OPRM1: variants seen among roughly 807,000 people sequenced by gnomAD.
OPRM1 encodes opioid receptor mu 1.
Under a neutral mutation model 31.8 loss-of-function variants are expected in OPRM1, and 27 were observed. That is an observed-to-expected ratio of 0.85 (90% CI 0.63 to 1.17). The LOEUF (loss-of-function observed/expected upper bound fraction) is 1.17. OPRM1 is among the 50% of genes most tolerant of loss of function. OPRM1 has a pLI of 0.00. For synonymous variants in OPRM1, 196 were observed against 189.9 expected, an observed-to-expected ratio of 1.03 and a Z score of -0.26; for missense variants, 536 against 511.1, an observed-to-expected ratio of 1.05 and a Z score of -0.47.
exon 4 of OPRM1, chr6:154,246,865 ACC>A: frequency 3.2e-6 from 4 of 1,254,912 alleles, no homozygotes; most frequent in Non-Finnish European, 4.1e-6. Flanking sequence ...TTAATTGTTA[ACC>A]CCCCGGGGAG....
intron 3 of OPRM1, among the ~76,000 whole-genome samples, chr6:154,150,221 C>G (rs1798463219): frequency 6.6e-6 from 1 of 152,166 alleles, no homozygotes; most frequent in Admixed American, 6.5e-5. Context: ...GGGCTCTTGC[C>G]CAGCATGAAT....
chr6:154,205,737 A>T (rs1341390195), intron 3 of OPRM1, among the ~76,000 whole-genome samples: 1 of 152,178 alleles, frequency 6.6e-6, no homozygotes, highest in African/African-American at 2.4e-5. Context: ...CAATGAATAA[A>T]CTGCAATTAG....
At chr6:154,025,111 G>A (rs76794071) in intron 1 of OPRM1, among the ~76,000 whole-genome samples, 3,519 of 152,082 alleles carry the variant, frequency 0.023, 156 homozygotes, top group African/African-American at 0.081. Context: ...AATGTTGAAA[G>A]TTGGCTTTTG....
At chr6:154,043,381 A>G (rs1466403839) in intron 1 of OPRM1, among the ~76,000 whole-genome samples, 2 of 152,142 alleles carry the variant, frequency 1.3e-5, no homozygotes, top group Non-Finnish European at 2.9e-5. Context: ...CTTGTTCTAT[A>G]TACTAAATAT....
At chr6:154,113,203 A>G (rs1160261600) in intron 3 of OPRM1, among the ~76,000 whole-genome samples, 1 of 152,208 alleles carries the variant, frequency 6.6e-6, no homozygotes, top group East Asian at 1.9e-4. Flanking sequence ...TAGGGTAGCT[A>G]AACTTAAGAA....
intron 3 of OPRM1, among the ~76,000 whole-genome samples, chr6:154,146,260 C>T (rs1193684438): frequency 1.3e-5 from 2 of 152,136 alleles, no homozygotes; most frequent in African/African-American, 2.4e-5. Context: ...ATCAGCTGAG[C>T]GCGGTGGCGG....
chr6:154,049,055 A>C (rs1407228028), intron 1 of OPRM1, among the ~76,000 whole-genome samples: 2 of 152,122 alleles, frequency 1.3e-5, no homozygotes, highest in African/African-American at 4.8e-5. Flanking sequence ...TGCATTCGTA[A>C]CCTTGTTTTA....
At chr6:154,033,551 A>G (rs1010996806) in intron 1 of OPRM1, among the ~76,000 whole-genome samples, 3 of 152,228 alleles carry the variant, frequency 2.0e-5, no homozygotes, top group African/African-American at 4.8e-5. Flanking sequence ...GAGAGAAAGA[A>G]TCAAGTGAAA....
intron 1 of OPRM1, among the ~76,000 whole-genome samples, chr6:154,021,862 C>T (rs138463935): frequency 0.027 from 4,064 of 151,620 alleles, 168 homozygotes; most frequent in African/African-American, 0.094. Context: ...TTTTGGTCAA[C>T]TCTTTCAGAT....
chr6:154,072,488 A>G (rs1048439261), intron 1 of OPRM1, among the ~76,000 whole-genome samples: 1 of 152,262 alleles, frequency 6.6e-6, no homozygotes, highest in African/African-American at 2.4e-5. Context: ...AAAACTAAGT[A>G]CTTGCTTAAA....
chr6:154,128,467 G>T lies in OPRM1; in HGVS notation c.*9746G>T, dbSNP rs1797710707. Among the ~76,000 whole-genome samples the T allele has an allele frequency of 6.6e-6, 1 of 152,198 alleles. No individual in the cohort carries two copies. Among genetic ancestry groups the T allele is most frequent in the Non-Finnish European group, 1.5e-5 (1 of 68,038 alleles). ...ATAGCAAAATTCCAGTGAAGTCTAA[G>T]AACTGGGACAGTCCGTTGAGGATCC... On this transcript the variant is annotated 3_prime_UTR_variant, in exon 4 of 4. Coordinates refer to ENST00000330432, the MANE Select transcript of OPRM1 (RefSeq NM_000914.5).
chr6:154,108,020 AAAG>A, intron 3 of OPRM1: 1 of 656,312 alleles, frequency 1.5e-6, no homozygotes, highest in South Asian at 1.8e-5. Context: ...GCACAGAGAG[AAAG>A]AAGACAGAAA....
Position 154,127,347 on chromosome 6 carries a change from A to G in OPRM1, c.*8626A>G, listed in dbSNP as rs938627982. Among the ~76,000 whole-genome samples, 1 of 152,240 alleles carries G rather than the reference A, an allele frequency of 6.6e-6. No homozygotes were observed. The highest frequency in any genetic ancestry group is 1.5e-5 in the Non-Finnish European group (1 of 68,038). On this transcript the variant is annotated 3_prime_UTR_variant, in exon 4 of 4. Transcript: ENST00000330432. Reference sequence around the variant, plus strand: ...TAAAGTGAATTTGAATAAAATGACCAGTTAGGTGTTTTCAGAAACACCTAT... The same window carrying G: ...TAAAGTGAATTTGAATAAAATGACCGGTTAGGTGTTTTCAGAAACACCTAT...
intron 3 of OPRM1, among the ~76,000 whole-genome samples, chr6:154,220,883 C>T (rs1383603426): frequency 6.6e-6 from 1 of 152,214 alleles, no homozygotes; most frequent in Non-Finnish European, 1.5e-5. Flanking sequence ...AATCACACAG[C>T]ATATATTAAA....
intron 1 of OPRM1, among the ~76,000 whole-genome samples, chr6:154,017,026 C>G (rs1038650257): frequency 2.6e-5 from 4 of 152,258 alleles, no homozygotes; most frequent in Non-Finnish European, 5.9e-5. Flanking sequence ...TACTTCTTAG[C>G]TTACTTTTTC....
At chr6:154,195,791 AT>A (rs34769762) in intron 3 of OPRM1, among the ~76,000 whole-genome samples, 79,666 of 130,472 alleles carry the variant, frequency 0.61, 23,186 homozygotes, top group East Asian at 0.84. Flanking sequence ...CTTGTTCACA[AT>A]TTTTTTTTTT....
intron 3 of OPRM1, among the ~76,000 whole-genome samples, chr6:154,110,881 C>T (rs1236984665): frequency 1.3e-4 from 5 of 37,238 alleles, no homozygotes; most frequent in Admixed American, 6.2e-4. Flanking sequence ...AGCGAGACTC[C>T]GTCTCAAAAA....
chr6:154,079,219 G>A (rs1427321351), intron 1 of OPRM1, among the ~76,000 whole-genome samples: 1 of 152,240 alleles, frequency 6.6e-6, no homozygotes, highest in Non-Finnish European at 1.5e-5. Flanking sequence ...TTCACAGGGT[G>A]CCCCAGGGTC....
At chr6:154,225,290 G>A (rs1021502433) in intron 3 of OPRM1, among the ~76,000 whole-genome samples, 1 of 152,110 alleles carries the variant, frequency 6.6e-6, no homozygotes, top group African/African-American at 2.4e-5. Flanking sequence ...TCAAATACAT[G>A]TGCAGCCCTG....
Sources: allele counts gnomAD v4.1 joint callset (sites outside exome capture counted in the v4.1 genomes callset), GRCh38; gene constraint gnomAD v4.1.1; transcripts MANE v1.5; gene names NCBI Gene and HGNC (gene_info 2026-07-23, HGNC 2026-07-21).